Variants in NCKAP1 observed in about 807,000 individuals in gnomAD.
NCKAP1 encodes the protein nck-associated protein 1.
Under a neutral mutation model 151.2 loss-of-function variants are expected in NCKAP1, and 21 were observed. The observed-to-expected ratio is 0.14, with a 90% CI of 0.10 to 0.20. The LOEUF (loss-of-function observed/expected upper bound fraction) is 0.20. Ranked by LOEUF, NCKAP1 falls within the 10% of genes least tolerant of loss-of-function variation. The probability of loss-of-function intolerance (pLI) is 1.00; values close to 1 mark genes in which losing one functional copy is unlikely to be tolerated. For missense variants in NCKAP1, 933 were observed against 1,352.1 expected, an observed-to-expected ratio of 0.69 and a Z score of 4.86; for synonymous variants, 484 against 451.8, an observed-to-expected ratio of 1.07 and a Z score of -0.90.
chr2:183,007,561 G>C (rs978367995), intron 2 of NCKAP1, among the ~76,000 whole-genome samples: 3 of 152,124 alleles, frequency 2.0e-5, no homozygotes, highest in African/African-American at 7.2e-5. Context: ...AACGTGGGTA[G>C]TTTTTATTCA....
chr2:183,032,099 T>A (rs1254110578), intron 1 of NCKAP1, among the ~76,000 whole-genome samples: 1 of 152,194 alleles, frequency 6.6e-6, no homozygotes, highest in East Asian at 1.9e-4. Flanking sequence ...GATCCAGATG[T>A]ATGGAATTTG....
rs369145166 is a variant in NCKAP1 at position 182,982,789 on chromosome 2, A to G, written c.1208+32T>C. On this transcript the variant is annotated intron_variant, in intron 12 of 30. Coordinates refer to ENST00000361354, the MANE Select transcript of NCKAP1 (RefSeq NM_013436.5). The stretch of plus-strand genomic sequence containing the variant: ...TGTAAATCAAGAAGCATCTATATAC[A>G]GAAAATATTTTTTTAAATGTTGCTA... The G allele has an allele frequency of 5.6e-6, 8 of 1,426,380 alleles. No homozygotes were observed. In the African/African-American group the frequency reaches 1.0e-4, roughly 18 times the overall value. 88.4% of individuals were successfully genotyped at this position (1,426,380 alleles called of 1,614,324 possible). A position where few individuals can be genotyped will look rare whatever the true frequency, so the allele number is the denominator to read the frequency against.
Position 183,037,970 on chromosome 2 carries a change from G to A in NCKAP1, c.108+22C>T, listed in dbSNP as rs753420059. Reference sequence around the variant, plus strand: ...TCCCGGGCCCGCCCGCCTCCGCCGCGGCCTCCCCGGCCCGTGCGCACCTTC... The same window carrying A: ...TCCCGGGCCCGCCCGCCTCCGCCGCAGCCTCCCCGGCCCGTGCGCACCTTC... On this transcript the variant is annotated intron_variant, in intron 1 of 30. Coordinates refer to ENST00000361354, the MANE Select transcript of NCKAP1 (RefSeq NM_013436.5). The A allele has an allele frequency of 7.1e-6, 11 of 1,555,822 alleles. No individual in the cohort carries two copies. The African/African-American group carries it at 1.4e-4, about 20-fold the overall frequency.
At chr2:182,943,643 G>GAA (rs202245847) in intron 23 of NCKAP1, among the ~76,000 whole-genome samples, 2 of 143,708 alleles carry the variant, frequency 1.4e-5, no homozygotes, top group South Asian at 2.2e-4. Context: ...TCACTAAAAG[G>GAA]AAAAAAAAAA....
intron 1 of NCKAP1, among the ~76,000 whole-genome samples, chr2:183,034,136 T>G (rs1160442871): frequency 6.6e-6 from 1 of 152,172 alleles, no homozygotes; most frequent in African/African-American, 2.4e-5. Flanking sequence ...CCCCTCCCTT[T>G]ACCCTGCACT....
At chr2:182,952,665 T>C (rs753742180) in intron 22 of NCKAP1, 128 bp downstream of exon 22, 68 of 1,159,986 alleles carry the variant, frequency 5.9e-5, no homozygotes, top group Non-Finnish European at 2.3e-5. Flanking sequence ...AATTCTAAGA[T>C]ACAATATGCA....
intron 24 of NCKAP1, 133 bp from the exon 25 acceptor site, chr2:182,935,508 G>A (rs111518996): frequency 1.9e-6 from 1 of 537,792 alleles, no homozygotes; most frequent in Admixed American, 3.8e-5. Flanking sequence ...ACAGTAATTT[G>A]ATTACAATAA....
Position 182,957,514 on chromosome 2 carries a change from G to A in NCKAP1, c.1964C>T (p.Pro655Leu). 1 of 1,613,904 alleles carries A rather than the reference G, an allele frequency of 6.2e-7. No homozygotes were observed. ...CTCAACACCTGGTTTCTCCCTTTCA[G>A]GTTCCCCTTTCTTACCAGTCTGCTT... ...SKKQTGKKGE[P>L]EREKPGVESM... The change falls in exon 19 of 31, where the codon CCT (proline) becomes CTT (leucine). Residue 655 changes from proline (P) to leucine (L), a missense_variant. By Grantham distance (98) the Pro-to-Leu change is moderately conservative. Coordinates refer to ENST00000361354, the MANE Select transcript of NCKAP1 (RefSeq NM_013436.5).
chr2:182,947,854 G>T (rs1280393820), intron 23 of NCKAP1, among the ~76,000 whole-genome samples: 2 of 152,130 alleles, frequency 1.3e-5, no homozygotes, highest in Non-Finnish European at 2.9e-5. Context: ...ACATCATTAT[G>T]ATCTGTAGGA....
chr2:182,952,354 GT>G, intron 23 of NCKAP1, 50 bp downstream of exon 23: 2 of 1,203,034 alleles, frequency 1.7e-6, no homozygotes, highest in Admixed American at 2.2e-5. Flanking sequence ...TCCCTGAAAT[GT>G]TTTTCAGGAA....
chr2:182,930,549 A>C (rs1696741479), intron 27 of NCKAP1, 146 bp downstream of exon 27: 4 of 659,000 alleles, frequency 6.1e-6, no homozygotes, highest in Non-Finnish European at 1.1e-5. Context: ...GCACTGATAT[A>C]GTCCAAGTAC....
At chr2:183,016,089 C>T (rs1271719615) in intron 2 of NCKAP1, among the ~76,000 whole-genome samples, 2 of 152,082 alleles carry the variant, frequency 1.3e-5, no homozygotes, top group Non-Finnish European at 2.9e-5. Context: ...ATAGTTCTAG[C>T]AGTAACCTGT....
intron 8 of NCKAP1, 73 bp downstream of exon 8, chr2:182,994,751 GCACAGAGGTAGTAAC>G (rs1353234969): frequency 5.7e-6 from 6 of 1,057,202 alleles, no homozygotes; most frequent in Non-Finnish European, 8.7e-6. Flanking sequence ...ACAATGCTAA[GCACAGAGGTAGTAAC>G]CATGTCACCT....
chr2:182,916,812 G>C lies in NCKAP1; in HGVS notation c.*8890C>G, dbSNP rs1038254912. ...TATAGTATAACATACATATAGTATA[G>C]AGCAGTCTTAAAATTAATTTTAGCA... On this transcript the variant is annotated 3_prime_UTR_variant, in exon 31 of 31. Coordinates refer to ENST00000361354, the MANE Select transcript of NCKAP1 (RefSeq NM_013436.5). 13 of 152,124 alleles carry C rather than the reference G, an allele frequency of 8.5e-5. No homozygotes were observed. The highest frequency in any genetic ancestry group is 2.9e-4 in the African/African-American group (12 of 41,430). 9.4% of individuals were successfully genotyped at this position (152,124 alleles called of 1,614,324 possible). A position where few individuals can be genotyped will look rare whatever the true frequency, so the allele number is the denominator to read the frequency against.
At chr2:182,948,585 T>G (rs1697153348) in intron 23 of NCKAP1, among the ~76,000 whole-genome samples, 1 of 152,084 alleles carries the variant, frequency 6.6e-6, no homozygotes, top group Non-Finnish European at 1.5e-5. Flanking sequence ...AAATAATTGT[T>G]AAAAGACTAG....
At chr2:183,009,929 G>A (rs530410405) in intron 2 of NCKAP1, among the ~76,000 whole-genome samples, 1 of 152,098 alleles carries the variant, frequency 6.6e-6, no homozygotes, top group Non-Finnish European at 1.5e-5. Context: ...GAAAACATTT[G>A]TATTTAATTA....
At chr2:182,934,526 A>C (rs1475643164) in intron 26 of NCKAP1, 1 of 296,266 alleles carries the variant, frequency 3.4e-6, no homozygotes, top group African/African-American at 2.2e-5. Flanking sequence ...ATTTTTAGTC[A>C]ATTTTGCATT....
At chr2:182,957,412 A>G (rs1406473623) in intron 19 of NCKAP1, 45 bp downstream of exon 19, 1 of 1,563,238 alleles carries the variant, frequency 6.4e-7, no homozygotes, top group Admixed American at 2.1e-5. Flanking sequence ...AATGAAATAA[A>G]TATTTTACCT....
At chr2:183,019,721 T>C (rs537056072) in intron 2 of NCKAP1, among the ~76,000 whole-genome samples, 4 of 152,340 alleles carry the variant, frequency 2.6e-5, no homozygotes, top group Admixed American at 2.6e-4. Context: ...GCTATAATTA[T>C]AAAACTGGTA....
Sources: gnomAD v4.1 joint callset for allele counts (sites outside exome capture counted in the v4.1 genomes callset) on GRCh38, gnomAD v4.1.1 for gene constraint, MANE v1.5 for transcripts, NCBI Gene and HGNC (gene_info 2026-07-23, HGNC 2026-07-21) for gene names.